The following ARSB variants were observed in gnomAD, a reference collection of about 807,000 sequenced individuals.
ARSB encodes N-acetylgalactosamine-4-sulfatase.
Under a neutral mutation model 50.9 loss-of-function variants are expected in ARSB, and 41 were observed. That is an observed-to-expected ratio of 0.81 (90% CI 0.63 to 1.04). ARSB has a LOEUF of 1.04. ARSB is among the 50% of genes least tolerant of loss of function. ARSB has a pLI of 0.00. For synonymous variants in ARSB, 269 were observed against 284.8 expected, an observed-to-expected ratio of 0.94 and a Z score of 0.56; for missense variants, 672 against 693.3, an observed-to-expected ratio of 0.97 and a Z score of 0.35.
intron 5 of ARSB, among the ~76,000 whole-genome samples, chr5:78,855,007 A>T (rs1245460246): frequency 3.3e-5 from 5 of 152,162 alleles, no homozygotes; most frequent in African/African-American, 1.2e-4. Context: ...CAGCACAGCA[A>T]TGACTCCACT....
chr5:78,921,506 T>C (rs1409560892), intron 4 of ARSB, among the ~76,000 whole-genome samples: 1 of 152,234 alleles, frequency 6.6e-6, no homozygotes, highest in Admixed American at 6.5e-5. Flanking sequence ...ATATTTTGGA[T>C]ATACGGAATA....
chr5:78,869,227 C>G (rs1296533717), intron 5 of ARSB, among the ~76,000 whole-genome samples: 1 of 100,622 alleles, frequency 9.9e-6, no homozygotes, highest in Non-Finnish European at 2.1e-5. Context: ...GACTTCAATA[C>G]CCCACTGTCA....
intron 7 of ARSB, among the ~76,000 whole-genome samples, chr5:78,781,249 A>G (rs182681098): frequency 2.0e-5 from 3 of 150,990 alleles, no homozygotes; most frequent in Non-Finnish European, 2.9e-5. Flanking sequence ...CGTATTTTCC[A>G]TGAAGCATAA....
chr5:78,827,327 G>A (rs1199664533), intron 6 of ARSB, among the ~76,000 whole-genome samples: 1 of 152,054 alleles, frequency 6.6e-6, no homozygotes. Context: ...TCCCACCTTA[G>A]CCTCCCTAGT....
At chr5:78,785,992 A>ATATT (rs1561423811) in intron 6 of ARSB, among the ~76,000 whole-genome samples, 3 of 152,358 alleles carry the variant, frequency 2.0e-5, no homozygotes, top group East Asian at 3.9e-4. Flanking sequence ...AGAGTATATC[A>ATATT]TATAGTTCAC....
At chr5:78,794,753 G>A (rs1352567760) in intron 6 of ARSB, among the ~76,000 whole-genome samples, 1 of 152,190 alleles carries the variant, frequency 6.6e-6, no homozygotes, top group East Asian at 1.9e-4. Context: ...TGGGGTGAGA[G>A]GGATAGAGTG....
At chr5:78,905,910 CAA>C (rs57651882) in intron 4 of ARSB, among the ~76,000 whole-genome samples, 32 of 94,404 alleles carry the variant, frequency 3.4e-4, no homozygotes, top group South Asian at 2.5e-3. Flanking sequence ...AGCAAAGTAG[CAA>C]AAAAAAAAAA....
At chr5:78,850,313 T>A (rs1287938947) in intron 5 of ARSB, among the ~76,000 whole-genome samples, 1 of 152,262 alleles carries the variant, frequency 6.6e-6, no homozygotes. Flanking sequence ...TCTATTGAGA[T>A]AATCATGTGG....
intron 3 of ARSB, among the ~76,000 whole-genome samples, chr5:78,959,182 TCC>T (rs1245471227): frequency 4.6e-5 from 7 of 152,188 alleles, no homozygotes; most frequent in African/African-American, 1.7e-4. Flanking sequence ...AAGGCGCTTT[TCC>T]CCCTTTGCTT....
intron 3 of ARSB, among the ~76,000 whole-genome samples, chr5:78,958,457 T>C (rs970038106): frequency 1.1e-4 from 16 of 152,220 alleles, no homozygotes; most frequent in African/African-American, 3.9e-4. Flanking sequence ...TGGGGATCAT[T>C]ATTAAAGGTT....
rs1748836546 is a variant in ARSB at position 78,778,611 on chromosome 5, G to A, written c.*1786C>T. On this transcript the variant is annotated 3_prime_UTR_variant, in exon 8 of 8. Transcript: ENST00000264914. ...TCCTACCCCAGGAGGGGCAGCTTGA[G>A]AACAGAAAAGCAACAGCTGGAAGAC... 1 of 152,228 alleles carries A rather than the reference G, an allele frequency of 6.6e-6. No individual in the cohort carries two copies. The highest frequency in any genetic ancestry group is 6.5e-5 in the Admixed American group (1 of 15,286). 9.4% of individuals were successfully genotyped at this position (152,228 alleles called of 1,614,324 possible).
chr5:78,839,135 C>T (rs746418864), intron 6 of ARSB, among the ~76,000 whole-genome samples: 4 of 148,618 alleles, frequency 2.7e-5, no homozygotes, highest in East Asian at 1.9e-4. Context: ...GGCTAGTAAG[C>T]GGCAGAGCAA....
intron 4 of ARSB, among the ~76,000 whole-genome samples, chr5:78,950,309 C>T (rs1751442664): frequency 6.6e-6 from 1 of 152,184 alleles, no homozygotes; most frequent in South Asian, 2.1e-4. Flanking sequence ...CCAGAAACTA[C>T]AAGACCAGAG....
rs368102473 is a variant in ARSB, at chr5:78,865,725, T to C, written c.1142+19859A>G. Among the ~76,000 whole-genome samples the C allele has an allele frequency of 4.6e-5, 7 of 152,338 alleles. No homozygotes were observed. The East Asian group carries it at 1.3e-3, about 29-fold the overall frequency. On this transcript the variant is annotated intron_variant, in intron 5 of 7. Coordinates refer to ENST00000264914, the MANE Select transcript of ARSB (RefSeq NM_000046.5). ...CTTTAACAGAACCCAAATAACCTCT[T>C]GAATGCTTTGCTGCTTAGAAATTTC...
chr5:78,808,676 T>C lies in ARSB; in HGVS notation c.1214-26702A>G, dbSNP rs1486669470. On this transcript the variant is annotated intron_variant, in intron 6 of 7. Transcript: ENST00000264914. ...CACTCCCACTAAAGCATTTCCCTAATTTCCGGAGCCACAGGCAGCTTCAGA... is the reference window on the plus strand; with the variant it reads ...CACTCCCACTAAAGCATTTCCCTAACTTCCGGAGCCACAGGCAGCTTCAGA... Among the ~76,000 whole-genome samples the C allele has an allele frequency of 2.0e-5, 3 of 152,304 alleles. No individual in the cohort carries two copies. In the East Asian group the frequency reaches 5.8e-4, roughly 29 times the overall value.
chr5:78,950,133 G>A (rs762841178), intron 4 of ARSB, among the ~76,000 whole-genome samples: 1 of 152,166 alleles, frequency 6.6e-6, no homozygotes, highest in African/African-American at 2.4e-5. Context: ...CAGCCATGGT[G>A]ACAAGCATCC....
chr5:78,919,764 G>C (rs1010289758), intron 4 of ARSB, among the ~76,000 whole-genome samples: 2 of 152,146 alleles, frequency 1.3e-5, no homozygotes, highest in African/African-American at 4.8e-5. Context: ...GTACAGGAGT[G>C]AGCTGGGTTT....
chr5:78,806,770 G>C (rs1030512885), intron 6 of ARSB, among the ~76,000 whole-genome samples: 1 of 152,190 alleles, frequency 6.6e-6, no homozygotes, highest in South Asian at 2.1e-4. Flanking sequence ...CTGGCCTCTG[G>C]AATGTGATAA....
chr5:78,985,172 A>G lies in ARSB; in HGVS notation c.77T>C (p.Leu26Pro). Reference sequence around the variant, plus strand: ...CGGCGCCAACAACAGCAGCAGCAGCAGCGGGAGGACGACGGGGAGGAGCAG... The same window carrying G: ...CGGCGCCAACAACAGCAGCAGCAGCGGCGGGAGGACGACGGGGAGGAGCAG... Reference protein sequence around the residue: ...RRLLLPVVLPLLLLLLLAPPG... With the variant: ...RRLLLPVVLPPLLLLLLAPPG... The change falls in exon 1 of 8, where the codon CTG becomes CCG. Residue 26 changes from leucine (L) to proline (P), a missense_variant. Coordinates refer to ENST00000264914, the MANE Select transcript of ARSB (RefSeq NM_000046.5). 3 of 1,433,544 alleles carry G rather than the reference A, an allele frequency of 2.1e-6. No individual in the cohort carries two copies. Among genetic ancestry groups the G allele is most frequent in the Middle Eastern group, 2.2e-4 (1 of 4,524 alleles). 88.8% of individuals were successfully genotyped at this position (1,433,544 alleles called of 1,614,324 possible).
Sources: allele counts gnomAD v4.1 joint callset (sites outside exome capture counted in the v4.1 genomes callset), GRCh38; gene constraint gnomAD v4.1.1; transcripts MANE v1.5; gene names NCBI Gene and HGNC (gene_info 2026-07-23, HGNC 2026-07-21).